The following CDH13 variants were observed in gnomAD, a reference collection of about 807,000 sequenced individuals.
The protein encoded by CDH13 is cadherin 13.
In CDH13, 24 loss-of-function variants were observed where a neutral mutation model predicts 63.8. That is an observed-to-expected ratio of 0.38 (90% CI 0.27 to 0.53). The LOEUF is 0.53. Among genes scored for constraint, CDH13 ranks in the 20% least tolerant of loss-of-function variants. The pLI is 0.85. For missense variants in CDH13, 1,049 were observed against 903.1 expected (o/e 1.16, Z -2.07); for synonymous variants, 503 against 355.3 (o/e 1.42, Z -4.67).
At chr16:82,643,775 C>A (rs1909717836) in intron 1 of CDH13, among the ~76,000 whole-genome samples, 1 of 152,170 alleles carries the variant, frequency 6.6e-6, no homozygotes, top group Non-Finnish European at 1.5e-5. Flanking sequence ...CAGGGTCTTT[C>A]TCTGTTGCCC....
intron 2 of CDH13, chr16:82,954,154 C>G (rs1239662788): frequency 6.6e-6 from 1 of 152,150 alleles, no homozygotes; most frequent in African/African-American, 2.4e-5. Flanking sequence ...TGGGATGCCA[C>G]CCCCCTTGGC....
chr16:83,784,505 G>A (rs759085918), intron 13 of CDH13, among the ~76,000 whole-genome samples: 19 of 151,968 alleles, frequency 1.3e-4, no homozygotes, highest in South Asian at 8.3e-4. Flanking sequence ...GGTGGCACAT[G>A]CCTGTAGTCC....
At chr16:83,003,439 A>G (rs997307759) in intron 2 of CDH13, among the ~76,000 whole-genome samples, 2 of 151,974 alleles carry the variant, frequency 1.3e-5, no homozygotes, top group Non-Finnish European at 2.9e-5. Context: ...AAATAGGGAC[A>G]GTATGGAAAA....
At chr16:83,216,254 G>A (rs2039504871) in intron 4 of CDH13, among the ~76,000 whole-genome samples, 1 of 150,984 alleles carries the variant, frequency 6.6e-6, no homozygotes, top group African/African-American at 2.4e-5. Flanking sequence ...GTATTGCAGT[G>A]TCTCTAGAGA....
intron 1 of CDH13, among the ~76,000 whole-genome samples, chr16:82,755,772 T>C (rs117220117): frequency 0.047 from 7,222 of 152,178 alleles, 180 homozygotes; most frequent in Middle Eastern, 0.058. Flanking sequence ...GATTGACCAC[T>C]AGGTGGTATG....
chr16:82,730,788 T>C (rs1267026586), intron 1 of CDH13, among the ~76,000 whole-genome samples: 1 of 152,168 alleles, frequency 6.6e-6, no homozygotes, highest in African/African-American at 2.4e-5. Flanking sequence ...TCAGTTGGCT[T>C]AAGGTAATAA....
intron 3 of CDH13, among the ~76,000 whole-genome samples, chr16:83,052,912 A>G (rs2030530459): frequency 6.6e-6 from 1 of 152,154 alleles, no homozygotes; most frequent in African/African-American, 2.4e-5. Flanking sequence ...AATAGGTTGT[A>G]CAGATTGGGC....
At position 83,401,185 on chromosome 16, in the gene CDH13, AC is replaced by A. The variant is rs145998706; in HGVS notation, c.781+56180del. Among the ~76,000 whole-genome samples the A allele has an allele frequency of 8.7e-3, 1,324 of 152,238 alleles. 31 individuals are homozygous for A. Among genetic ancestry groups the A allele is most frequent in the East Asian group, 0.068 (351 of 5,168 alleles). ...GCCAAAGCCCGTCTCTACCAAAAAT[AC>A]AAAAATTGGTGTGGTGGTGTGTGCG... On this transcript the variant is annotated intron_variant, in intron 6 of 13. Coordinates refer to ENST00000567109, the MANE Select transcript of CDH13 (RefSeq NM_001257.5).
intron 10 of CDH13, among the ~76,000 whole-genome samples, chr16:83,734,176 G>A (rs542715331): frequency 1.6e-4 from 25 of 152,258 alleles, no homozygotes; most frequent in African/African-American, 6.0e-4. Context: ...TCAATTTAAA[G>A]TGAAGACCAA....
chr16:83,334,976 A>G (rs1041447844), intron 5 of CDH13, among the ~76,000 whole-genome samples: 3 of 152,180 alleles, frequency 2.0e-5, no homozygotes, highest in African/African-American at 7.2e-5. Flanking sequence ...AGGGCAATGT[A>G]AGTGTCACAT....
intron 6 of CDH13, among the ~76,000 whole-genome samples, chr16:83,353,824 T>C (rs1361847757): frequency 6.6e-6 from 1 of 152,230 alleles, no homozygotes; most frequent in Non-Finnish European, 1.5e-5. Context: ...GCCCTTGGGT[T>C]CACTTTGATT....
At chr16:83,139,926 C>G (rs2036457832) in intron 4 of CDH13, among the ~76,000 whole-genome samples, 1 of 152,056 alleles carries the variant, frequency 6.6e-6, no homozygotes, top group South Asian at 2.1e-4. Context: ...TGCTTGAACC[C>G]AGGAGGCAGA....
rs573028552 is a variant in CDH13, at chr16:82,685,627, T to C, written c.45+58490T>C. Among the ~76,000 whole-genome samples, 145 of 152,246 alleles carry C rather than the reference T, an allele frequency of 9.5e-4. 1 individual carries two copies. The highest frequency in any genetic ancestry group is 6.8e-3 in the Middle Eastern group (2 of 294). ...GCACTTGCACATGTGTGGATGTGTG[T>C]GTGTGCATGTGCTCTGTGTGTGTGC... is the stretch of plus-strand genomic sequence containing the variant. On this transcript the variant is annotated intron_variant, in intron 1 of 13. Coordinates refer to ENST00000567109, the MANE Select transcript of CDH13 (RefSeq NM_001257.5).
chr16:82,849,211 T>G (rs2039384489), intron 1 of CDH13, among the ~76,000 whole-genome samples: 1 of 152,120 alleles, frequency 6.6e-6, no homozygotes, highest in Admixed American at 6.5e-5. Flanking sequence ...AACATAAAAG[T>G]GTCAGGTGAA....
chr16:82,656,442 A>G (rs1858017114), intron 1 of CDH13, among the ~76,000 whole-genome samples: 1 of 152,170 alleles, frequency 6.6e-6, no homozygotes, highest in Admixed American at 6.5e-5. Flanking sequence ...GTTTAAGTTC[A>G]CAGCAAAATT....
chr16:83,066,227 A>G (rs2031998011), intron 3 of CDH13, among the ~76,000 whole-genome samples: 1 of 152,198 alleles, frequency 6.6e-6, no homozygotes, highest in African/African-American at 2.4e-5. Context: ...CTTCTCAACA[A>G]GTGACTAAGC....
intron 7 of CDH13, among the ~76,000 whole-genome samples, chr16:83,600,369 A>G (rs918029660): frequency 6.6e-6 from 1 of 152,190 alleles, no homozygotes; most frequent in East Asian, 1.9e-4. Flanking sequence ...GAGGGCCTTA[A>G]CAAACCACCC....
intron 10 of CDH13, among the ~76,000 whole-genome samples, chr16:83,707,850 A>AAAAAAAAAAAAAAAAAAAAAAG (rs1907359594): frequency 6.6e-6 from 1 of 150,954 alleles, no homozygotes; most frequent in Non-Finnish European, 1.5e-5. Flanking sequence ...AAAAAAAAAA[A>AAAAAAAAAAAAAAAAAAAAAAG]AAAAAAAAGA....
At chr16:83,490,755 G>A (rs1263435504) in intron 7 of CDH13, among the ~76,000 whole-genome samples, 7 of 152,230 alleles carry the variant, frequency 4.6e-5, no homozygotes, top group African/African-American at 7.2e-5. Context: ...TGGCTTGAAA[G>A]CAGGTGAACT....
Sources: allele counts gnomAD v4.1 joint callset (sites outside exome capture counted in the v4.1 genomes callset), GRCh38; gene constraint gnomAD v4.1.1; transcripts MANE v1.5; gene names NCBI Gene and HGNC (gene_info 2026-07-23, HGNC 2026-07-21).